The following TOX2 variants were observed in gnomAD, a reference collection of about 807,000 sequenced individuals.
The protein encoded by TOX2 is TOX high mobility group box family member 2.
In TOX2, 15 loss-of-function variants were observed where a neutral mutation model predicts 47.4. That is an observed-to-expected ratio of 0.32 (90% CI 0.21 to 0.49). The LOEUF (loss-of-function observed/expected upper bound fraction) is 0.49. Ranked by LOEUF, TOX2 falls within the 20% of genes least tolerant of loss-of-function variation. The pLI is 0.99. For missense variants in TOX2, 622 were observed against 673.1 expected (o/e 0.92, Z 0.84); for synonymous variants, 290 against 296.6 (o/e 0.98, Z 0.23).
At chr20:43,951,823 C>T (rs1353698369) in intron 1 of TOX2, among the ~76,000 whole-genome samples, 1 of 149,736 alleles carries the variant, frequency 6.7e-6, no homozygotes, top group African/African-American at 2.5e-5. Flanking sequence ...GCACTCCTCC[C>T]ATCTTAGCCT....
intron 3 of TOX2, among the ~76,000 whole-genome samples, chr20:44,008,980 G>A (rs2070735616): frequency 6.6e-6 from 1 of 152,182 alleles, no homozygotes; most frequent in Non-Finnish European, 1.5e-5. Flanking sequence ...AGACCACTAT[G>A]TCTAGGAGGA....
chr20:43,963,899 A>G (rs934321425), intron 1 of TOX2, among the ~76,000 whole-genome samples: 1 of 152,172 alleles, frequency 6.6e-6, no homozygotes, highest in African/African-American at 2.4e-5. Flanking sequence ...CAGTTTCTTC[A>G]TCTACAGAAG....
At chr20:44,007,119 T>C (rs1220452461) in intron 3 of TOX2, 5 of 317,132 alleles carry the variant, frequency 1.6e-5, no homozygotes, top group Non-Finnish European at 2.9e-5. Flanking sequence ...TATTGAGGTA[T>C]AATTTATATT....
intron 7 of TOX2, among the ~76,000 whole-genome samples, 161 bp downstream of exon 7, chr20:44,066,268 G>A (rs942686642): frequency 2.6e-5 from 4 of 152,136 alleles, no homozygotes; most frequent in Non-Finnish European, 4.4e-5. Flanking sequence ...AGTGGGTCTC[G>A]CACACCTTAC....
intron 5 of TOX2, among the ~76,000 whole-genome samples, chr20:44,054,943 A>T (rs1372532130): frequency 1.3e-5 from 2 of 152,188 alleles, no homozygotes; most frequent in Non-Finnish European, 2.9e-5. Flanking sequence ...TGGTAGGCAA[A>T]TGGAGTTGCC....
chr20:43,938,585 G>A (rs6103522), intron 1 of TOX2, among the ~76,000 whole-genome samples: 5,248 of 152,234 alleles, frequency 0.034, 297 homozygotes, highest in African/African-American at 0.12. Context: ...GCCTGTGAGC[G>A]CCTTCAGTCT....
chr20:43,984,620 A>G, intron 2 of TOX2, among the ~76,000 whole-genome samples: 1 of 152,238 alleles, frequency 6.6e-6, no homozygotes, highest in East Asian at 1.9e-4. Flanking sequence ...GGGCGCAGGC[A>G]TGGAGACATT....
In TOX2 at chr20:44,069,085, G is replaced by A. The variant is rs555823558; in HGVS notation, c.*399G>A. 2.1e-5 allele frequency: 8 copies of A among 381,620 alleles called. No homozygotes were observed. The highest frequency in any genetic ancestry group is 7.3e-5 in the Admixed American group (2 of 27,282). The allele number at this position is 381,620 out of a possible 1,614,324, so 23.6% of individuals were successfully genotyped here. Reference sequence around the variant, plus strand: ...TGCATGGGCCAGAGGGCCGGCCCCCGGCATAGATGTGCACATCGGTTTTCC... The same window carrying A: ...TGCATGGGCCAGAGGGCCGGCCCCCAGCATAGATGTGCACATCGGTTTTCC... On this transcript the variant is annotated 3_prime_UTR_variant, in exon 9 of 9. Coordinates refer to ENST00000341197, the MANE Select transcript of TOX2 (RefSeq NM_001098797.2).
chr20:43,955,400 CTTA>C, intron 1 of TOX2: 2 of 694,690 alleles, frequency 2.9e-6, no homozygotes, highest in Non-Finnish European at 3.5e-6. Context: ...CCAGTGTCTT[CTTA>C]GCCACCTGGG....
chr20:44,028,301 G>A (rs904645236), intron 3 of TOX2, among the ~76,000 whole-genome samples: 1 of 152,018 alleles, frequency 6.6e-6, no homozygotes, highest in African/African-American at 2.4e-5. Flanking sequence ...GGCTGGGCAG[G>A]GGGGTGAGGG....
intron 3 of TOX2, among the ~76,000 whole-genome samples, chr20:44,009,487 C>T (rs1295122199): frequency 6.6e-6 from 1 of 152,196 alleles, no homozygotes; most frequent in Non-Finnish European, 1.5e-5. Flanking sequence ...CCTCAGCTTC[C>T]TCTTCTCTCT....
In TOX2 at chr20:44,067,012, C is replaced by T. The variant is rs558985039; in HGVS notation, c.1484+155C>T. Among the ~76,000 whole-genome samples the T allele has an allele frequency of 3.9e-5, 6 of 152,332 alleles. No individual in the cohort carries two copies. The South Asian group carries it at 1.2e-3, about 32-fold the overall frequency. On this transcript the variant is annotated intron_variant, in intron 8 of 8. Transcript: ENST00000341197. ...GAGGGGATCGATATCTCAGATGACA[C>T]CGCAGAGCCAGGCCCCGGAAGGACT...
chr20:43,950,226 C>G (rs1053591073), intron 1 of TOX2, among the ~76,000 whole-genome samples: 2 of 152,142 alleles, frequency 1.3e-5, no homozygotes, highest in Admixed American at 1.3e-4. Context: ...AAAATAGCAG[C>G]CATCGGGGCA....
At chr20:43,927,482 C>CACACAA (rs2069183953) in intron 1 of TOX2, among the ~76,000 whole-genome samples, 1 of 148,692 alleles carries the variant, frequency 6.7e-6, no homozygotes, top group South Asian at 2.1e-4. Flanking sequence ...CACACACACA[C>CACACAA]ACACACACAC....
intron 2 of TOX2, among the ~76,000 whole-genome samples, chr20:43,983,207 A>G (rs1343436890): frequency 6.6e-6 from 1 of 152,082 alleles, no homozygotes; most frequent in Non-Finnish European, 1.5e-5. Flanking sequence ...CATGTCATAC[A>G]GGCCAACATC....
intron 1 of TOX2, among the ~76,000 whole-genome samples, chr20:43,948,153 G>GGA (rs1295452300): frequency 6.6e-6 from 1 of 152,208 alleles, no homozygotes; most frequent in African/African-American, 2.4e-5. Flanking sequence ...AAGAGGCCCT[G>GGA]GAGAGCTTTT....
At chr20:44,029,968 C>G (rs2071124102) in intron 3 of TOX2, among the ~76,000 whole-genome samples, 2 of 152,140 alleles carry the variant, frequency 1.3e-5, no homozygotes, top group South Asian at 4.1e-4. Context: ...CTGGTGTCCT[C>G]CACCCCTCAG....
chr20:44,064,580 A>AC (rs1468516377), intron 5 of TOX2, among the ~76,000 whole-genome samples, 197 bp from the exon 6 acceptor site: 1 of 152,132 alleles, frequency 6.6e-6, no homozygotes, highest in Non-Finnish European at 1.5e-5. Flanking sequence ...TGGCTGAGGA[A>AC]CTGGGATATG....
At position 44,066,781 on chromosome 20, in the gene TOX2, G is replaced by A. The variant is rs2071830455; in HGVS notation, c.1408G>A (p.Gly470Ser). 1 of 1,614,026 alleles carries A rather than the reference G, an allele frequency of 6.2e-7. No individual in the cohort carries two copies. Among genetic ancestry groups the A allele is most frequent in the Admixed American group, 1.7e-5 (1 of 60,000 alleles). ...CAGCAGCTCGGGATCCTGCTCACCT[G>A]GCCCATCCAACCCCACCAGCAGCGG... ...FPSSSGSCSP[G>S]PSNPTSSGDW... The change falls in exon 8 of 9, where the codon GGC (glycine) becomes AGC (serine). Residue 470 changes from glycine to serine, a missense_variant. Gly to Ser is a moderately conservative substitution (Grantham distance 56). Transcript: ENST00000341197.
Sources: allele counts gnomAD v4.1 joint callset (sites outside exome capture counted in the v4.1 genomes callset), GRCh38; gene constraint gnomAD v4.1.1; transcripts MANE v1.5; gene names NCBI Gene and HGNC (gene_info 2026-07-23, HGNC 2026-07-21).